The following DLGAP2 variants were observed in gnomAD, a reference collection of about 807,000 sequenced individuals.
DLGAP2 encodes DLG associated protein 2.
A neutral mutation model predicts 100.3 loss-of-function variants in DLGAP2; 26 were observed. The ratio of observed to expected loss-of-function variants is 0.26; its 90% CI spans 0.19 to 0.36. The LOEUF is 0.36. Among genes scored for constraint, DLGAP2 ranks in the 10% least tolerant of loss-of-function variants. The pLI is 1.00. For synonymous variants in DLGAP2, 886 were observed against 630.1 expected, an observed-to-expected ratio of 1.41 and a Z score of -6.08; for missense variants, 1,858 against 1,453.2, an observed-to-expected ratio of 1.28 and a Z score of -4.53.
At chr8:1,699,196 C>T (rs1027905847) in intron 14 of DLGAP2, among the ~76,000 whole-genome samples, 1 of 152,180 alleles carries the variant, frequency 6.6e-6, no homozygotes, top group Admixed American at 6.5e-5. Flanking sequence ...CCAAGCTGCG[C>T]ATAGAGTATG....
chr8:1,290,889 A>C (rs1050580682), intron 3 of DLGAP2, among the ~76,000 whole-genome samples: 1 of 152,226 alleles, frequency 6.6e-6, no homozygotes, highest in African/African-American at 2.4e-5. Flanking sequence ...CATGAAATTT[A>C]CTACTGAACT....
At chr8:768,048 C>T (rs943421149) in intron 1 of DLGAP2, among the ~76,000 whole-genome samples, 2 of 152,180 alleles carry the variant, frequency 1.3e-5, no homozygotes, top group Non-Finnish European at 2.9e-5. Flanking sequence ...TGTGCATTCT[C>T]TTTCAGCTCT....
chr8:1,344,728 C>T (rs141816559), intron 3 of DLGAP2, among the ~76,000 whole-genome samples: 209 of 152,314 alleles, frequency 1.4e-3, no homozygotes, highest in African/African-American at 4.4e-3. Context: ...TACATCTTAA[C>T]GCTGTGCTCG....
chr8:1,383,365 AG>A (rs1212531189), intron 3 of DLGAP2, among the ~76,000 whole-genome samples: 1 of 152,250 alleles, frequency 6.6e-6, no homozygotes, highest in Non-Finnish European at 1.5e-5. Context: ...AAAAACATAA[AG>A]GGCAGCAATC....
At chr8:1,436,419 C>T (rs745315481) in intron 3 of DLGAP2, among the ~76,000 whole-genome samples, 2 of 152,152 alleles carry the variant, frequency 1.3e-5, no homozygotes, top group African/African-American at 2.4e-5. Context: ...TTATCCTAGC[C>T]GTGCTGGCAG....
intron 2 of DLGAP2, among the ~76,000 whole-genome samples, chr8:1,115,219 G>A (rs369393378): frequency 8.5e-5 from 13 of 152,208 alleles, no homozygotes; most frequent in African/African-American, 2.9e-4. Flanking sequence ...TTGGTCCAAT[G>A]TGGAGTTCAG....
intron 2 of DLGAP2, among the ~76,000 whole-genome samples, chr8:1,128,296 C>T (rs530466170): frequency 5.3e-5 from 8 of 149,850 alleles, no homozygotes; most frequent in African/African-American, 7.5e-5. Context: ...TCCATGAGGA[C>T]CTGCTCCTGG....
intron 3 of DLGAP2, among the ~76,000 whole-genome samples, chr8:1,341,278 T>C (rs1801409895): frequency 6.6e-6 from 1 of 152,190 alleles, no homozygotes; most frequent in African/African-American, 2.4e-5. Flanking sequence ...TTTCAAATAT[T>C]CTCCTTTTGT....
At chr8:1,651,645 G>A (rs1330984503) in intron 8 of DLGAP2, among the ~76,000 whole-genome samples, 3 of 152,162 alleles carry the variant, frequency 2.0e-5, no homozygotes, top group Non-Finnish European at 1.5e-5. Flanking sequence ...AATGGCTTAA[G>A]CCCCTAGCTC....
chr8:1,151,571 C>T (rs1309814756), intron 2 of DLGAP2, among the ~76,000 whole-genome samples: 1 of 152,152 alleles, frequency 6.6e-6, no homozygotes, highest in Non-Finnish European at 1.5e-5. Context: ...TGTTCTTTGC[C>T]TGGTGAGGGA....
intron 3 of DLGAP2, among the ~76,000 whole-genome samples, chr8:1,415,204 A>AAC (rs1287816797): frequency 1.3e-5 from 2 of 152,136 alleles, no homozygotes; most frequent in Non-Finnish European, 2.9e-5. Context: ...TTAATCTGTG[A>AAC]ACTTGACTCC....
chr8:1,345,068 C>T (rs79550699), intron 3 of DLGAP2, among the ~76,000 whole-genome samples: 5,131 of 152,058 alleles, frequency 0.034, 142 homozygotes, highest in African/African-American at 0.074. Flanking sequence ...GTTATCTGGC[C>T]CTTTGCAAAG....
intron 1 of DLGAP2, among the ~76,000 whole-genome samples, chr8:889,398 A>C (rs1355636662): frequency 6.6e-6 from 1 of 152,066 alleles, no homozygotes; most frequent in African/African-American, 2.4e-5. Flanking sequence ...CCAGGAGGAG[A>C]GGCTAAGTCT....
At chr8:1,045,936 GC>G (rs1391873344) in intron 2 of DLGAP2, among the ~76,000 whole-genome samples, 1 of 152,144 alleles carries the variant, frequency 6.6e-6, no homozygotes, top group East Asian at 1.9e-4. Flanking sequence ...GTTTAACGGG[GC>G]TTGGGTCCCA....
intron 1 of DLGAP2, among the ~76,000 whole-genome samples, chr8:862,965 T>C (rs1479787386): frequency 6.6e-6 from 1 of 152,234 alleles, no homozygotes; most frequent in Non-Finnish European, 1.5e-5. Flanking sequence ...TATTTGAATA[T>C]CTGAGTCAGT....
At chr8:1,377,269 G>A (rs1333316506) in intron 3 of DLGAP2, among the ~76,000 whole-genome samples, 1 of 152,224 alleles carries the variant, frequency 6.6e-6, no homozygotes, top group African/African-American at 2.4e-5. Flanking sequence ...CTTCGGCCGA[G>A]CGCAGTGGCT....
At chr8:1,454,186 GT>G (rs962579102) in intron 3 of DLGAP2, among the ~76,000 whole-genome samples, 6 of 152,216 alleles carry the variant, frequency 3.9e-5, no homozygotes, top group Non-Finnish European at 8.8e-5. Flanking sequence ...GTGTGTGTAT[GT>G]CTGTGTGACA....
chr8:1,073,282 G>T (rs1311631017), intron 2 of DLGAP2, among the ~76,000 whole-genome samples: 1 of 152,072 alleles, frequency 6.6e-6, no homozygotes, highest in Non-Finnish European at 1.5e-5. Context: ...GAATAAAATT[G>T]TAAAAAAACT....
intron 2 of DLGAP2, among the ~76,000 whole-genome samples, chr8:1,081,415 AG>A (rs1160837021): frequency 5.3e-5 from 8 of 152,206 alleles, no homozygotes; most frequent in Non-Finnish European, 1.2e-4. Context: ...GCAGTGGCGC[AG>A]CCTTGGCTCA....
Sources: gnomAD v4.1 joint callset for allele counts (sites outside exome capture counted in the v4.1 genomes callset) on GRCh38, gnomAD v4.1.1 for gene constraint, MANE v1.5 for transcripts, NCBI Gene and HGNC (gene_info 2026-07-23, HGNC 2026-07-21) for gene names.